RANBP17: variants seen among roughly 807,000 people sequenced by gnomAD.
The protein encoded by RANBP17 is ran-binding protein 17.
Under a neutral mutation model 141.2 loss-of-function variants are expected in RANBP17, and 158 were observed. That is an observed-to-expected ratio of 1.12 (90% CI 0.98 to 1.28). The LOEUF (loss-of-function observed/expected upper bound fraction) is 1.28, where lower values mean the gene tolerates loss of function less well. Ranked by LOEUF, RANBP17 falls within the 50% of genes most tolerant of loss-of-function variation. The pLI is 0.00. For missense variants in RANBP17, 1,438 were observed against 1,290.7 expected, an observed-to-expected ratio of 1.11 and a Z score of -1.75; for synonymous variants, 430 against 450.0, an observed-to-expected ratio of 0.96 and a Z score of 0.56.
At chr5:170,898,906 T>C (rs1304131509) in intron 5 of RANBP17, among the ~76,000 whole-genome samples, 1 of 152,246 alleles carries the variant, frequency 6.6e-6, no homozygotes. Flanking sequence ...AGTACCATGC[T>C]GGTTTGGTTA....
intron 24 of RANBP17, chr5:171,252,177 C>G: frequency 6.3e-7 from 1 of 1,580,710 alleles, no homozygotes; most frequent in Non-Finnish European, 8.7e-7. Context: ...CTACATGCAA[C>G]AAGATCCCCC....
At chr5:171,142,949 G>A (rs1757799975) in intron 14 of RANBP17, among the ~76,000 whole-genome samples, 1 of 152,190 alleles carries the variant, frequency 6.6e-6, no homozygotes, top group African/African-American at 2.4e-5. Flanking sequence ...CTAGGCATAA[G>A]TAATAAAGAC....
chr5:171,007,199 G>A (rs1425522968), intron 14 of RANBP17, among the ~76,000 whole-genome samples: 1 of 152,168 alleles, frequency 6.6e-6, no homozygotes, highest in African/African-American at 2.4e-5. Flanking sequence ...GGGGTCTGAT[G>A]AGAAAGAGCC....
chr5:171,038,494 G>A (rs188975238), intron 14 of RANBP17, among the ~76,000 whole-genome samples: 1 of 152,196 alleles, frequency 6.6e-6, no homozygotes, highest in East Asian at 1.9e-4. Flanking sequence ...GTTGAATAGG[G>A]TGGTGAAAGT....
chr5:171,172,288 G>C (rs1760149958), intron 16 of RANBP17, among the ~76,000 whole-genome samples: 1 of 151,822 alleles, frequency 6.6e-6, no homozygotes. Context: ...AATCCACCAT[G>C]CAATATTTCT....
At chr5:170,902,559 T>C (rs111642698) in intron 5 of RANBP17, among the ~76,000 whole-genome samples, 2 of 152,180 alleles carry the variant, frequency 1.3e-5, no homozygotes, top group Non-Finnish European at 2.9e-5. Flanking sequence ...TTTTGTTCCC[T>C]TGTTGGCGAG....
At chr5:171,039,972 G>C (rs939919417) in intron 14 of RANBP17, among the ~76,000 whole-genome samples, 1 of 151,982 alleles carries the variant, frequency 6.6e-6, no homozygotes, top group Non-Finnish European at 1.5e-5. Context: ...AAACTCTACC[G>C]AAACTATTCC....
At chr5:170,965,550 T>C (rs893663976) in intron 13 of RANBP17, among the ~76,000 whole-genome samples, 1 of 152,242 alleles carries the variant, frequency 6.6e-6, no homozygotes, top group African/African-American at 2.4e-5. Flanking sequence ...TGTAAGTCTT[T>C]AATCCATCTT....
chr5:171,196,569 A>G (rs940460425), intron 18 of RANBP17, among the ~76,000 whole-genome samples: 1 of 152,192 alleles, frequency 6.6e-6, no homozygotes, highest in Non-Finnish European at 1.5e-5. Flanking sequence ...CTCTAAGTCC[A>G]TGTTAGACTC....
chr5:171,003,787 T>A (rs1779387670), intron 14 of RANBP17, among the ~76,000 whole-genome samples: 1 of 152,162 alleles, frequency 6.6e-6, no homozygotes, highest in South Asian at 2.1e-4. Context: ...GGTAAGCTAC[T>A]GGGACTGATG....
chr5:171,108,507 G>A (rs1168546760), intron 14 of RANBP17, among the ~76,000 whole-genome samples: 2 of 152,060 alleles, frequency 1.3e-5, no homozygotes, highest in African/African-American at 2.4e-5. Flanking sequence ...CAAACTCCTC[G>A]GTTCAAGCCG....
chr5:171,039,036 A>C lies in RANBP17; in HGVS notation c.1710+70659A>C, dbSNP rs576036056. 2.6e-5 allele frequency among the ~76,000 whole-genome samples: 4 copies of C among 152,304 alleles called. No homozygotes were observed. In the East Asian group the frequency reaches 7.7e-4, roughly 29 times the overall value. On this transcript the variant is annotated intron_variant, in intron 14 of 27. Transcript: ENST00000523189. Reference sequence around the variant, plus strand: ...TTTTGTGAATAGTGCTGTGATGAACATGCAAGTGTATGTGTCTTTTTAGTA... The same window carrying C: ...TTTTGTGAATAGTGCTGTGATGAACCTGCAAGTGTATGTGTCTTTTTAGTA...
At chr5:171,049,742 T>C (rs1782832549) in intron 14 of RANBP17, among the ~76,000 whole-genome samples, 1 of 152,236 alleles carries the variant, frequency 6.6e-6, no homozygotes, top group Non-Finnish European at 1.5e-5. Context: ...TCCTCATTGC[T>C]TGTTTTTGTT....
chr5:170,909,851 CCA>C (rs1771391856), intron 6 of RANBP17, 86 bp downstream of exon 6: 1 of 755,332 alleles, frequency 1.3e-6, no homozygotes, highest in Non-Finnish European at 2.3e-6. Context: ...AATTTTCCCC[CCA>C]GTTTTGCCTT....
At chr5:170,952,675 G>T (rs918707518) in intron 12 of RANBP17, among the ~76,000 whole-genome samples, 1 of 151,788 alleles carries the variant, frequency 6.6e-6, no homozygotes, top group Admixed American at 6.6e-5. Flanking sequence ...ACTTGAAAGC[G>T]TTTCTTAATC....
intron 3 of RANBP17, among the ~76,000 whole-genome samples, chr5:170,883,906 A>G (rs777560341): frequency 5.3e-5 from 8 of 152,236 alleles, no homozygotes; most frequent in Non-Finnish European, 1.2e-4. Flanking sequence ...TAAAGCTGCT[A>G]TCAACATACA....
chr5:171,285,688 G>C (rs1296459050), intron 25 of RANBP17, among the ~76,000 whole-genome samples: 1 of 152,116 alleles, frequency 6.6e-6, no homozygotes, highest in East Asian at 1.9e-4. Flanking sequence ...TTTACTACTC[G>C]TAAAAAGTTT....
intron 14 of RANBP17, among the ~76,000 whole-genome samples, chr5:171,063,359 T>G (rs910075662): frequency 6.6e-6 from 1 of 152,242 alleles, no homozygotes; most frequent in Non-Finnish European, 1.5e-5. Context: ...CCTTTCTGTT[T>G]GTTAGCTTTC....
intron 24 of RANBP17, among the ~76,000 whole-genome samples, chr5:171,263,582 T>C (rs1477295839): frequency 6.6e-6 from 1 of 152,246 alleles, no homozygotes; most frequent in African/African-American, 2.4e-5. Flanking sequence ...TAAATGTAAA[T>C]GTCGCACTCC....
Sources: gnomAD v4.1 joint callset for allele counts (sites outside exome capture counted in the v4.1 genomes callset) on GRCh38, gnomAD v4.1.1 for gene constraint, MANE v1.5 for transcripts, NCBI Gene and HGNC (gene_info 2026-07-23, HGNC 2026-07-21) for gene names.